The following MAN2A1 variants were observed in gnomAD, a reference collection of about 807,000 sequenced individuals.
MAN2A1 encodes the protein alpha-mannosidase 2.
Under a neutral mutation model 142.6 loss-of-function variants are expected in MAN2A1, and 76 were observed. The ratio of observed to expected loss-of-function variants is 0.53; its 90% CI spans 0.44 to 0.65. MAN2A1 has a LOEUF of 0.65. Among genes scored for constraint, MAN2A1 ranks in the 30% least tolerant of loss-of-function variants. MAN2A1 has a pLI of 0.00. For missense variants in MAN2A1, 1,311 were observed against 1,365.1 expected, an observed-to-expected ratio of 0.96 and a Z score of 0.62; for synonymous variants, 559 against 473.2, an observed-to-expected ratio of 1.18 and a Z score of -2.35.
chr5:109,831,841 A>G (rs1580298118), intron 16 of MAN2A1, among the ~76,000 whole-genome samples: 2 of 151,724 alleles, frequency 1.3e-5, no homozygotes, highest in African/African-American at 2.4e-5. Flanking sequence ...GTATTTATGT[A>G]TACAGTTTTA....
At chr5:109,849,106 T>TACC (rs767845008) in intron 19 of MAN2A1, among the ~76,000 whole-genome samples, 1 of 152,238 alleles carries the variant, frequency 6.6e-6, no homozygotes, top group Non-Finnish European at 1.5e-5. Flanking sequence ...GTTTTCCTCC[T>TACC]ACCTGTCTGG....
chr5:109,830,483 A>G (rs1754879213), intron 16 of MAN2A1, among the ~76,000 whole-genome samples: 1 of 152,224 alleles, frequency 6.6e-6, no homozygotes, highest in African/African-American at 2.4e-5. Context: ...GATTAAATTC[A>G]TCTTCTAAGA....
At position 109,713,581 on chromosome 5, in the gene MAN2A1, A is replaced by G; in HGVS notation, c.197A>G (p.Asn66Ser). 1.9e-6 allele frequency: 3 copies of G among 1,614,022 alleles called. No homozygotes were observed. Among genetic ancestry groups the G allele is most frequent in the Non-Finnish European group, 2.5e-6 (3 of 1,179,854 alleles). ...TTGGAGCGTTTGCTAGCTGAGAATA[A>G]TGAGATCATCTCAAATATTAGAGAC... ...DHLERLLAEN[N>S]EIISNIRDSV... Residue 66 changes from asparagine to serine, a missense_variant, in exon 2 of 22, where the codon AAT (asparagine) becomes AGT (serine). Asn to Ser is a conservative substitution (Grantham distance 46). This residue lies in a region of MAN2A1 where 409 missense variants were observed against 412.7 expected (regional missense o/e 0.99). Coordinates refer to ENST00000261483, the MANE Select transcript of MAN2A1 (RefSeq NM_002372.4).
intron 21 of MAN2A1, among the ~76,000 whole-genome samples, chr5:109,866,522 A>G (rs773951281): frequency 6.6e-6 from 1 of 152,220 alleles, no homozygotes; most frequent in Non-Finnish European, 1.5e-5. Flanking sequence ...GCCCCTGTGC[A>G]TGATAAAATT....
intron 19 of MAN2A1, among the ~76,000 whole-genome samples, chr5:109,853,009 A>G (rs181591485): frequency 6.6e-4 from 101 of 152,164 alleles, no homozygotes; most frequent in Admixed American, 2.0e-3. Context: ...GTGAACCACA[A>G]CTCTTCTATA....
chr5:109,807,183 C>G (rs1754188063), intron 12 of MAN2A1, among the ~76,000 whole-genome samples: 2 of 152,112 alleles, frequency 1.3e-5, no homozygotes, highest in Admixed American at 1.3e-4. Context: ...TTTGCTTGGT[C>G]CCAGTTCCAA....
At chr5:109,815,693 C>G (rs2112718812) in intron 12 of MAN2A1, among the ~76,000 whole-genome samples, 1 of 152,122 alleles carries the variant, frequency 6.6e-6, no homozygotes, top group South Asian at 2.1e-4. Flanking sequence ...GTTTTGGCCC[C>G]TGTAGGTATT....
At chr5:109,726,396 T>C (rs1173204009) in intron 3 of MAN2A1, among the ~76,000 whole-genome samples, 1 of 152,166 alleles carries the variant, frequency 6.6e-6, no homozygotes, top group East Asian at 1.9e-4. Flanking sequence ...TTTACTGTTA[T>C]ATTACTCAGT....
At chr5:109,863,735 A>G (rs1755812566) in intron 20 of MAN2A1, 2 of 152,204 alleles carry the variant, frequency 1.3e-5, no homozygotes, top group South Asian at 4.1e-4. Context: ...ACCATAAATG[A>G]AGGGTTTTCC....
intron 16 of MAN2A1, chr5:109,840,591 C>T (rs1044252594): frequency 2.0e-5 from 10 of 496,026 alleles, no homozygotes; most frequent in African/African-American, 2.0e-4. Flanking sequence ...AACAACAGGG[C>T]CATCTTCTGC....
At chr5:109,734,068 A>G (rs965865957) in intron 4 of MAN2A1, among the ~76,000 whole-genome samples, 2 of 152,048 alleles carry the variant, frequency 1.3e-5, no homozygotes, top group Middle Eastern at 3.2e-3. Context: ...CAGAGATTCA[A>G]CTTTTTCCTG....
intron 20 of MAN2A1, among the ~76,000 whole-genome samples, chr5:109,859,258 G>A (rs1165560930): frequency 6.6e-6 from 1 of 152,158 alleles, no homozygotes; most frequent in Non-Finnish European, 1.5e-5. Flanking sequence ...TACTAAATTT[G>A]TTTCTAAAAG....
At chr5:109,848,155 A>T (rs575813901) in intron 19 of MAN2A1, among the ~76,000 whole-genome samples, 49 of 152,332 alleles carry the variant, frequency 3.2e-4, no homozygotes, top group Middle Eastern at 3.4e-3. Context: ...GGTAAACTTT[A>T]TTTGAAATCT....
At chr5:109,755,307 A>T in intron 4 of MAN2A1, 22 bp from the exon 5 acceptor site, 1 of 1,584,166 alleles carries the variant, frequency 6.3e-7, no homozygotes, top group Admixed American at 1.7e-5. Flanking sequence ...ATTAATGTAG[A>T]CTCTTGTTAT....
intron 15 of MAN2A1, among the ~76,000 whole-genome samples, chr5:109,823,228 A>T (rs1418344986): frequency 2.6e-5 from 4 of 152,168 alleles, no homozygotes; most frequent in African/African-American, 7.2e-5. Flanking sequence ...AAAGGACAGA[A>T]TGTTTTATAG....
At chr5:109,829,893 C>T (rs1410929897) in intron 16 of MAN2A1, among the ~76,000 whole-genome samples, 1 of 152,134 alleles carries the variant, frequency 6.6e-6, no homozygotes, top group East Asian at 1.9e-4. Flanking sequence ...ATTGTCCCAT[C>T]CCTTCTTAAA....
At chr5:109,696,290 G>A (rs759805377) in intron 1 of MAN2A1, among the ~76,000 whole-genome samples, 7 of 151,946 alleles carry the variant, frequency 4.6e-5, no homozygotes, top group South Asian at 2.1e-4. Context: ...TAGTAGAGAC[G>A]GGGTTTCACC....
chr5:109,701,593 A>G (rs1254919379), intron 1 of MAN2A1, among the ~76,000 whole-genome samples: 1 of 152,188 alleles, frequency 6.6e-6, no homozygotes, highest in Non-Finnish European at 1.5e-5. Context: ...TATTCAATCT[A>G]GATTATTCTG....
At chr5:109,842,304 C>A in intron 16 of MAN2A1, 24 bp from the exon 17 acceptor site, 1 of 1,434,674 alleles carries the variant, frequency 7.0e-7, no homozygotes, top group Non-Finnish European at 9.4e-7. Context: ...TTCTATTAAT[C>A]CATATATATT....
Sources: allele counts gnomAD v4.1 joint callset (sites outside exome capture counted in the v4.1 genomes callset), GRCh38; gene constraint gnomAD v4.1.1; regional missense constraint gnomAD v4.1.1; transcripts MANE v1.5; gene names NCBI Gene and HGNC (gene_info 2026-07-23, HGNC 2026-07-21).